ZFAND3: variants seen among roughly 807,000 people sequenced by gnomAD.
ZFAND3 encodes the protein zinc finger AN1-type containing 3.
A neutral mutation model predicts 29.6 loss-of-function variants in ZFAND3; 10 were observed. That is an observed-to-expected ratio of 0.34 (90% CI 0.21 to 0.57). ZFAND3 has a LOEUF of 0.57. Among genes scored for constraint, ZFAND3 ranks in the 20% least tolerant of loss-of-function variants. ZFAND3 has a pLI of 0.86. For synonymous variants in ZFAND3, 128 were observed against 112.6 expected (o/e 1.14, Z -0.87); for missense variants, 230 against 304.5 (o/e 0.76, Z 1.82).
intron 2 of ZFAND3, among the ~76,000 whole-genome samples, chr6:38,000,989 C>G (rs548959975): frequency 6.6e-6 from 1 of 152,256 alleles, no homozygotes; most frequent in South Asian, 2.1e-4. Flanking sequence ...AAATTATAGG[C>G]ACTGGACCTT....
chr6:38,051,100 C>T (rs1764016598), intron 2 of ZFAND3, among the ~76,000 whole-genome samples: 1 of 152,080 alleles, frequency 6.6e-6, no homozygotes, highest in African/African-American at 2.4e-5. Context: ...CGAATAGGAC[C>T]AGATTGTAAG....
intron 2 of ZFAND3, among the ~76,000 whole-genome samples, chr6:38,036,237 G>C (rs1763654458): frequency 1.3e-5 from 2 of 152,208 alleles, no homozygotes; most frequent in African/African-American, 2.4e-5. Flanking sequence ...TGTGAACCCA[G>C]GGGTGACCCC....
chr6:38,084,412 GAAA>G (rs1311543374), intron 4 of ZFAND3, among the ~76,000 whole-genome samples: 1 of 152,024 alleles, frequency 6.6e-6, no homozygotes, highest in African/African-American at 2.4e-5. Context: ...TTTGGTGTAA[GAAA>G]AAAATAATAT....
chr6:37,989,514 C>T (rs1481466076), intron 2 of ZFAND3, among the ~76,000 whole-genome samples: 3 of 152,190 alleles, frequency 2.0e-5, no homozygotes, highest in African/African-American at 7.2e-5. Context: ...CGTAAGAACT[C>T]TACCTTCATG....
intron 2 of ZFAND3, among the ~76,000 whole-genome samples, chr6:38,058,620 G>T (rs1346762978): frequency 2.0e-5 from 3 of 152,162 alleles, no homozygotes; most frequent in African/African-American, 7.2e-5. Context: ...GCTGGAAATG[G>T]CTGGGGGCTT....
At chr6:38,090,331 A>T (rs1764839871) in intron 4 of ZFAND3, among the ~76,000 whole-genome samples, 1 of 152,248 alleles carries the variant, frequency 6.6e-6, no homozygotes, top group South Asian at 2.1e-4. Context: ...TAGGGAAGAT[A>T]TAAACCTTTC....
At chr6:38,054,477 G>A (rs1002002586) in intron 2 of ZFAND3, among the ~76,000 whole-genome samples, 18 of 150,410 alleles carry the variant, frequency 1.2e-4, no homozygotes, top group African/African-American at 3.9e-4. Context: ...TCAGTGAAGA[G>A]AGTCTGATTT....
chr6:37,885,622 TGACA>T (rs923998737), intron 1 of ZFAND3, among the ~76,000 whole-genome samples: 5 of 151,956 alleles, frequency 3.3e-5, no homozygotes, highest in Non-Finnish European at 7.4e-5. Context: ...CTAGCCTGGC[TGACA>T]GAGCAAGACT....
chr6:38,154,412 C>G lies in ZFAND3; in HGVS notation c.*2023C>G. Reference sequence around the variant, plus strand: ...GGTGGGGCTTGTTCCCCTGCAGTATCTGTTCTGTGAAGTTTGTTAAATGTA... The same window carrying G: ...GGTGGGGCTTGTTCCCCTGCAGTATGTGTTCTGTGAAGTTTGTTAAATGTA... On this transcript the variant is annotated 3_prime_UTR_variant, in exon 6 of 6. Transcript: ENST00000287218. The G allele has an allele frequency of 2.0e-6, 2 of 985,564 alleles. No individual in the cohort carries two copies. The highest frequency in any genetic ancestry group is 5.1e-4 in the Middle Eastern group (1 of 1,968). 61.1% of individuals were successfully genotyped at this position (985,564 alleles called of 1,614,324 possible).
chr6:38,002,193 T>A (rs1561962254), intron 2 of ZFAND3, among the ~76,000 whole-genome samples: 1 of 151,982 alleles, frequency 6.6e-6, no homozygotes, highest in African/African-American at 2.4e-5. Flanking sequence ...CAATAAATAC[T>A]TGCAAGCTCA....
At chr6:38,135,841 C>T (rs990961083) in intron 5 of ZFAND3, among the ~76,000 whole-genome samples, 8 of 152,148 alleles carry the variant, frequency 5.3e-5, no homozygotes, top group African/African-American at 1.9e-4. Context: ...TGGACACTTA[C>T]TAGCATCACC....
chr6:37,839,757 C>T (rs1764037820), intron 1 of ZFAND3, among the ~76,000 whole-genome samples: 1 of 151,958 alleles, frequency 6.6e-6, no homozygotes, highest in African/African-American at 2.4e-5. Context: ...TCGTGATCCA[C>T]CTGCCTCCGC....
intron 1 of ZFAND3, among the ~76,000 whole-genome samples, chr6:37,831,292 A>T (rs1028130924): frequency 6.6e-6 from 1 of 152,212 alleles, no homozygotes. Context: ...GAACTATCTT[A>T]CCTCATATGG....
At chr6:37,968,379 T>C (rs1762327868) in intron 2 of ZFAND3, among the ~76,000 whole-genome samples, 1 of 149,782 alleles carries the variant, frequency 6.7e-6, no homozygotes, top group African/African-American at 2.5e-5. Flanking sequence ...GATAGAGAGG[T>C]GGGTTAGCGA....
chr6:38,078,209 G>A (rs1764591140), intron 3 of ZFAND3, among the ~76,000 whole-genome samples: 1 of 152,140 alleles, frequency 6.6e-6, no homozygotes, highest in Non-Finnish European at 1.5e-5. Flanking sequence ...ATGTGGAATT[G>A]CAAATGTGAT....
intron 1 of ZFAND3, among the ~76,000 whole-genome samples, chr6:37,856,949 C>A (rs932337840): frequency 7.9e-6 from 1 of 126,934 alleles, no homozygotes; most frequent in Non-Finnish European, 1.9e-5. Flanking sequence ...TAACTCTTGA[C>A]CTTTTTTTTT....
intron 3 of ZFAND3, among the ~76,000 whole-genome samples, chr6:38,081,638 T>C (rs1384097241): frequency 6.6e-6 from 1 of 152,150 alleles, no homozygotes; most frequent in Non-Finnish European, 1.5e-5. Context: ...GGCATGTCAT[T>C]GGGGAGTGTT....
chr6:37,827,063 C>T (rs1763773690), intron 1 of ZFAND3, among the ~76,000 whole-genome samples: 4 of 152,138 alleles, frequency 2.6e-5, no homozygotes, highest in Admixed American at 2.6e-4. Flanking sequence ...TCTCTAGATC[C>T]CTTTTTTTCT....
chr6:37,884,494 C>CAAAAAAAAAAAAAAAAAAAAAAAAA (rs58015486), intron 1 of ZFAND3, among the ~76,000 whole-genome samples: 1 of 53,844 alleles, frequency 1.9e-5, no homozygotes, highest in Non-Finnish European at 3.0e-5. Context: ...AACTCTAGCT[C>CAAAAAAAAAAAAAAAAAAAAAAAAA]AAAAAAAAAA....
Sources: allele counts gnomAD v4.1 joint callset (sites outside exome capture counted in the v4.1 genomes callset), GRCh38; gene constraint gnomAD v4.1.1; transcripts MANE v1.5; gene names NCBI Gene and HGNC (gene_info 2026-07-23, HGNC 2026-07-21).